Variants in CHAF1A observed in about 807,000 individuals in gnomAD.
The protein encoded by CHAF1A is chromatin assembly factor 1 subunit A, also known as CAF-1 subunit A.
A neutral mutation model predicts 93.2 loss-of-function variants in CHAF1A; 5 were observed. That is an observed-to-expected ratio of 0.05 (90% confidence interval 0.03 to 0.11). The LOEUF (loss-of-function observed/expected upper bound fraction) is 0.11, where lower values mean the gene tolerates loss of function less well. Among genes scored for constraint, CHAF1A ranks in the 10% least tolerant of loss-of-function variants. The probability of loss-of-function intolerance (pLI) is 1.00; values close to 1 mark genes in which losing one functional copy is unlikely to be tolerated. For missense variants in CHAF1A, 1,102 were observed against 1,259.9 expected (o/e 0.87, Z 1.90); for synonymous variants, 504 against 510.3 (o/e 0.99, Z 0.17).
chr19:4,429,169 A>G (rs763079569), intron 8 of CHAF1A: 84 of 589,834 alleles, frequency 1.4e-4, no homozygotes, highest in Non-Finnish European at 2.3e-4. Flanking sequence ...CGCTCTTGCA[A>G]ATCTCATTCC....
At chr19:4,447,631 G>A (rs373839704), downstream of CHAF1A, 17 of 1,613,910 alleles carry the variant, frequency 1.1e-5, no homozygotes, top group African/African-American at 2.1e-4. Context: ...GGTACCTGGG[G>A]TAGGTGGAGA....
At chr19:4,419,973 G>T (rs114455701) in intron 4 of CHAF1A, among the ~76,000 whole-genome samples, 1 of 152,072 alleles carries the variant, frequency 6.6e-6, no homozygotes, top group African/African-American at 2.4e-5. Context: ...CACCTTCCTC[G>T]TGTGTCTCGT....
Position 4,434,765 on chromosome 19 carries a change from T to C in CHAF1A, c.2673+1226T>C, listed in dbSNP as rs191979770. On this transcript the variant is annotated intron_variant, in intron 13 of 14. Coordinates refer to ENST00000301280, the MANE Select transcript of CHAF1A (RefSeq NM_005483.3). ...TCAAGCACAGTTATTAAGCACTTAC[T>C]GTGCTCCAGGCACTCTGATCGGTCT... 5.3e-5 allele frequency among the ~76,000 whole-genome samples: 8 copies of C among 152,316 alleles called. No individual in the cohort carries two copies. The East Asian group carries it at 1.5e-3, about 29-fold the overall frequency.
rs1172875621 is a variant in CHAF1A at position 4,409,040 on chromosome 19, G to A, written c.241G>A (p.Val81Met). 2 of 1,614,218 alleles carry A rather than the reference G, an allele frequency of 1.2e-6. No homozygotes were observed. The highest frequency in any genetic ancestry group is 3.3e-5 in the Admixed American group (2 of 60,018). The stretch of plus-strand genomic sequence containing the variant: ...GGACACCTTGGAAAACAACTGTCAT[G>A]TGGGTTCTGACATAGACTTTAGACC... Reference protein sequence around the residue: ...SLDTLENNCHVGSDIDFRPKL... With the variant: ...SLDTLENNCHMGSDIDFRPKL... The change falls in exon 3 of 15, where the codon GTG (valine) becomes ATG (methionine). Residue 81 changes from valine to methionine, a missense_variant. Val to Met is a conservative substitution (Grantham distance 21). This residue lies in a region of CHAF1A where 379 missense variants were observed against 365.7 expected (regional missense o/e 1.04). Coordinates refer to ENST00000301280, the MANE Select transcript of CHAF1A (RefSeq NM_005483.3).
chr19:4,448,265 G>A (rs997343025), downstream of CHAF1A: 3 of 1,478,508 alleles, frequency 2.0e-6, no homozygotes, highest in Non-Finnish European at 1.8e-6. Flanking sequence ...CAGTGGGAGG[G>A]GTGCTGGGAT....
At chr19:4,435,247 C>T (rs888263467) in intron 13 of CHAF1A, among the ~76,000 whole-genome samples, 5 of 151,882 alleles carry the variant, frequency 3.3e-5, no homozygotes, top group East Asian at 1.9e-4. Flanking sequence ...CCCGCCACCA[C>T]GCCCGGCTAA....
intron 8 of CHAF1A, chr19:4,429,161 C>A: frequency 1.7e-6 from 1 of 590,146 alleles, no homozygotes; most frequent in Non-Finnish European, 3.0e-6. Flanking sequence ...CAACACCTCG[C>A]TCTTGCAAAT....
chr19:4,446,922 TG>T, downstream of CHAF1A: 2 of 1,613,706 alleles, frequency 1.2e-6, no homozygotes, highest in Non-Finnish European at 1.7e-6. Context: ...AATGCGCTCC[TG>T]GGGGTGGAGA....
chr19:4,417,755 C>G (rs1973921253), intron 3 of CHAF1A, among the ~76,000 whole-genome samples: 2 of 152,188 alleles, frequency 1.3e-5, no homozygotes, highest in African/African-American at 4.8e-5. Flanking sequence ...GCCACCGCGC[C>G]CAGCCTTGTC....
At chr19:4,428,362 G>A (rs967271228) in intron 7 of CHAF1A, among the ~76,000 whole-genome samples, 8 of 151,370 alleles carry the variant, frequency 5.3e-5, no homozygotes, top group African/African-American at 1.9e-4. Context: ...ACTCTTTTCA[G>A]GACATTTGTG....
downstream of CHAF1A, chr19:4,446,169 C>T (rs751064913): frequency 1.1e-5 from 17 of 1,609,558 alleles, no homozygotes; most frequent in Middle Eastern, 1.6e-4. Context: ...CGTACACCGC[C>T]CCCAGCCGCT....
downstream of CHAF1A, chr19:4,448,340 G>T (rs762081150): frequency 6.2e-7 from 1 of 1,609,190 alleles, no homozygotes; most frequent in South Asian, 1.1e-5. Context: ...TCCACACCCA[G>T]CTTCACCCGG....
chr19:4,403,296 A>G (rs527901260), intron 1 of CHAF1A, among the ~76,000 whole-genome samples: 81 of 152,306 alleles, frequency 5.3e-4, no homozygotes, highest in African/African-American at 1.7e-3. Context: ...AGAGATGGCC[A>G]GGAGGGTGGG....
At chr19:4,424,135 T>C (rs565469184) in intron 7 of CHAF1A, among the ~76,000 whole-genome samples, 4 of 152,360 alleles carry the variant, frequency 2.6e-5, no homozygotes, top group South Asian at 2.1e-4. Flanking sequence ...GTGTTAGGCG[T>C]AAGAGAAATT....
downstream of CHAF1A, chr19:4,445,712 C>A: frequency 1.3e-6 from 2 of 1,545,822 alleles, no homozygotes; most frequent in Non-Finnish European, 1.7e-6. Context: ...CGCGGGGATG[C>A]CCCGGCCTGG....
chr19:4,447,642 A>T (rs1408699288), downstream of CHAF1A: 1 of 1,613,520 alleles, frequency 6.2e-7, no homozygotes, highest in Admixed American at 1.7e-5. Context: ...TAGGTGGAGA[A>T]GGTGAGTGGG....
intron 11 of CHAF1A, 82 bp downstream of exon 11, chr19:4,430,723 G>A: frequency 1.4e-6 from 2 of 1,453,400 alleles, no homozygotes; most frequent in South Asian, 1.1e-5. Flanking sequence ...CTGGGAGGGT[G>A]ACGGGGGTCC....
chr19:4,407,065 A>G (rs1973693960), intron 2 of CHAF1A, among the ~76,000 whole-genome samples: 2 of 151,896 alleles, frequency 1.3e-5, no homozygotes, highest in African/African-American at 2.4e-5. Flanking sequence ...CTACTAAAAT[A>G]CAAAATAGCT....
chr19:4,446,469 C>A (rs757396756), downstream of CHAF1A: 3 of 1,592,040 alleles, frequency 1.9e-6, no homozygotes, highest in Non-Finnish European at 2.6e-6. Context: ...CCCCGCCCCG[C>A]CCCACTCTGC....
Sources: allele counts gnomAD v4.1 joint callset (sites outside exome capture counted in the v4.1 genomes callset), GRCh38; gene constraint gnomAD v4.1.1; regional missense constraint gnomAD v4.1.1; transcripts MANE v1.5; gene names NCBI Gene and HGNC (gene_info 2026-07-23, HGNC 2026-07-21).